Variants in CDH22 observed in about 807,000 individuals in gnomAD.
CDH22 encodes the protein cadherin-22.
In CDH22, 30 loss-of-function variants were observed where a neutral mutation model predicts 58.4. The ratio of observed to expected loss-of-function variants is 0.51; its 90% CI spans 0.38 to 0.70. The LOEUF is 0.70. Ranked by LOEUF, CDH22 falls within the 30% of genes least tolerant of loss-of-function variation. The pLI, the probability that CDH22 is intolerant of heterozygous loss-of-function variation, is 0.00. For synonymous variants in CDH22, 513 were observed against 558.2 expected (o/e 0.92, Z 1.14); for missense variants, 1,014 against 1,233.9 (o/e 0.82, Z 2.67).
rs181606759 is a variant in CDH22 at position 46,233,215 on chromosome 20, A to G, written c.551-5588T>C. ...GGCCTGCTGCATTGCACCTTCCTCC[A>G]GAGTCTCCAGGGAACGTGAAACACC... On this transcript the variant is annotated intron_variant, in intron 3 of 11. Transcript: ENST00000537909. 1.1e-3 allele frequency among the ~76,000 whole-genome samples: 166 copies of G among 152,302 alleles called. 2 individuals carry two copies. The highest frequency in any genetic ancestry group is 3.3e-3 in the African/African-American group (139 of 41,576).
chr20:46,241,131 C>T lies in CDH22; in HGVS notation c.382G>A (p.Glu128Lys), dbSNP rs1308272469. ...CGCAGCGTGTAGAAGGTTTTCTGCT[C>T]GCGGTCCAGGCGCTCCATGGCATGA... is the stretch of plus-strand genomic sequence containing the variant. The part of the protein sequence containing the change: ...DIHAMERLDR[E>K]QKTFYTLRAQ... The change falls in exon 3 of 12, where the codon GAG (glutamate) becomes AAG (lysine). Residue 128 changes from glutamate to lysine, a missense_variant. Physicochemically the swap from Glu to Lys is moderately conservative, Grantham distance 56. This residue lies in a region of CDH22 where 806 missense variants were observed against 1,038.7 expected (regional missense o/e 0.78). Coordinates refer to ENST00000537909, the MANE Select transcript of CDH22 (RefSeq NM_021248.3). This position sits in a 1 kb window ranked among gnomAD's most constrained non-coding sequence, Gnocchi z 5.2. 2.5e-6 allele frequency: 4 copies of T among 1,614,140 alleles called. No individual in the cohort carries two copies. Among genetic ancestry groups the T allele is most frequent in the African/African-American group, 1.3e-5 (1 of 75,020 alleles).
chr20:46,244,265 C>T (rs1270110593), intron 2 of CDH22, among the ~76,000 whole-genome samples: 1 of 152,178 alleles, frequency 6.6e-6, no homozygotes, highest in Non-Finnish European at 1.5e-5. Context: ...TGGAATATGA[C>T]ACAGAGCTCA....
rs1399372771 is a variant in CDH22 at position 46,216,981 on chromosome 20, G to A, written c.683C>T (p.Thr228Met). Residue 228 changes from threonine to methionine, a missense_variant, in exon 5 of 12, where the codon ACG becomes ATG. Thr to Met is a moderately conservative substitution (Grantham distance 81). Around this residue, in one of 2 missense-constraint regions of CDH22, gnomAD observed 806 missense variants for 1,038.7 expected, o/e 0.78. Transcript: ENST00000537909. The surrounding 1 kb of genome is among the most constrained non-coding windows in gnomAD (Gnocchi z 5.3). ...TVDPKTGVIR[T>M]AVPDLDRESQ... ...CTCGCGGTCAAGGTCAGGCACAGCC[G>A]TCCGGATTACGCCTGTGGGTGAGTG... 3 of 1,595,418 alleles carry A rather than the reference G, an allele frequency of 1.9e-6. No individual in the cohort carries two copies. The highest frequency in any genetic ancestry group is 2.6e-6 in the Non-Finnish European group (3 of 1,166,534).
intron 1 of CDH22, among the ~76,000 whole-genome samples, chr20:46,283,060 C>G (rs1156316654): frequency 6.6e-6 from 1 of 152,238 alleles, no homozygotes; most frequent in East Asian, 1.9e-4. Context: ...CCATCCTTTG[C>G]TTCCACATCC....
intron 1 of CDH22, among the ~76,000 whole-genome samples, chr20:46,285,381 T>C (rs1228445271): frequency 1.3e-5 from 2 of 152,190 alleles, no homozygotes; most frequent in Non-Finnish European, 2.9e-5. Flanking sequence ...CCTAGTGCAG[T>C]GCTTCTCAAC....
intron 4 of CDH22, among the ~76,000 whole-genome samples, chr20:46,225,324 A>G (rs567374536): frequency 6.1e-4 from 93 of 152,374 alleles, no homozygotes; most frequent in Non-Finnish European, 1.1e-3. Context: ...ATAAGTGTCC[A>G]TCGGCAGGGG....
intron 1 of CDH22, among the ~76,000 whole-genome samples, chr20:46,260,684 G>A (rs891263624): frequency 1.1e-4 from 17 of 152,192 alleles, no homozygotes; most frequent in East Asian, 7.7e-4. Flanking sequence ...TTGCACTTCC[G>A]GAGTCTGGCT....
chr20:46,224,959 C>A (rs1034753987), intron 4 of CDH22, among the ~76,000 whole-genome samples: 1 of 152,218 alleles, frequency 6.6e-6, no homozygotes, highest in African/African-American at 2.4e-5. Flanking sequence ...ATCCTGGGCT[C>A]CAGGGCCTCC....
chr20:46,283,969 T>G (rs915281720), intron 1 of CDH22, among the ~76,000 whole-genome samples: 1 of 151,812 alleles, frequency 6.6e-6, no homozygotes, highest in Admixed American at 6.6e-5. Context: ...GTCGGAAAGG[T>G]GGGAGAATGA....
intron 1 of CDH22, among the ~76,000 whole-genome samples, chr20:46,277,123 T>C (rs2145763191): frequency 6.7e-6 from 1 of 149,380 alleles, no homozygotes; most frequent in Admixed American, 6.7e-5. Context: ...ACCCTGTCTC[T>C]AGTGAGACTC....
rs78144709 is a variant in CDH22 at position 46,242,513 on chromosome 20, A to G, written c.256-1256T>C. Among the ~76,000 whole-genome samples, 81 of 152,374 alleles carry G rather than the reference A, an allele frequency of 5.3e-4. 1 individual carries two copies. The highest frequency in any genetic ancestry group is 1.9e-3 in the African/African-American group (79 of 41,590). On this transcript the variant is annotated intron_variant, in intron 2 of 11. Transcript: ENST00000537909. ...GAGGGGTTTGCTGAGTTGAGAATCC[A>G]TACAAGGCCCTTAGCAGGTGCCACC...
chr20:46,191,336 A>G (rs111774272), intron 8 of CDH22, among the ~76,000 whole-genome samples: 28 of 152,184 alleles, frequency 1.8e-4, no homozygotes, highest in African/African-American at 6.5e-4. Context: ...GGATGTGGAT[A>G]ATGAGACTCT....
intron 1 of CDH22, among the ~76,000 whole-genome samples, chr20:46,264,462 C>A (rs1292317128): frequency 1.3e-5 from 2 of 152,178 alleles, no homozygotes; most frequent in African/African-American, 2.4e-5. Context: ...TAAGAGGTAA[C>A]ACTGAGTTCC....
chr20:46,277,507 G>A (rs377421278), intron 1 of CDH22, among the ~76,000 whole-genome samples: 116 of 152,134 alleles, frequency 7.6e-4, no homozygotes, highest in East Asian at 9.6e-4. Flanking sequence ...TTTCTCTATC[G>A]TTCTTTGTTT....
intron 1 of CDH22, among the ~76,000 whole-genome samples, chr20:46,270,150 A>G (rs1443658191): frequency 1.3e-5 from 2 of 152,190 alleles, no homozygotes; most frequent in Non-Finnish European, 2.9e-5. Context: ...CTAGGGGAAG[A>G]AAGTAGAAAG....
chr20:46,226,778 G>C (rs2086178126), intron 4 of CDH22, among the ~76,000 whole-genome samples: 1 of 152,188 alleles, frequency 6.6e-6, no homozygotes, highest in Non-Finnish European at 1.5e-5. Context: ...GGAGCAGTGA[G>C]AGCACCCCGC....
At chr20:46,306,852 G>A (rs1012120785) in intron 1 of CDH22, among the ~76,000 whole-genome samples, 10 of 152,174 alleles carry the variant, frequency 6.6e-5, no homozygotes, top group African/African-American at 1.9e-4. Flanking sequence ...GGGCACTGAT[G>A]GACACATATA....
chr20:46,239,562 C>A (rs1328358899), intron 3 of CDH22, among the ~76,000 whole-genome samples: 2 of 152,256 alleles, frequency 1.3e-5, no homozygotes, highest in Non-Finnish European at 2.9e-5. Flanking sequence ...GCTGACAGCA[C>A]CCTCTCCCAG....
chr20:46,211,199 T>A (rs1237476323), intron 6 of CDH22, among the ~76,000 whole-genome samples: 1 of 152,258 alleles, frequency 6.6e-6, no homozygotes, highest in African/African-American at 2.4e-5. Context: ...ATGAGCTCCA[T>A]GGCTGTGTGT....
Sources: allele counts gnomAD v4.1 joint callset (sites outside exome capture counted in the v4.1 genomes callset), GRCh38; gene constraint gnomAD v4.1.1; regional missense constraint gnomAD v4.1.1; non-coding constraint Gnocchi (gnomAD v3.1); transcripts MANE v1.5; gene names NCBI Gene and HGNC (gene_info 2026-07-23, HGNC 2026-07-21).